The following MTMR14 variants were observed in gnomAD, a reference collection of about 807,000 sequenced individuals.
MTMR14 encodes the protein myotubularin related protein 14.
MTMR14 carries 48 observed loss-of-function variants against 86.3 expected under a neutral mutation model. The observed-to-expected ratio is 0.56, with a 90% CI of 0.44 to 0.71. The LOEUF (loss-of-function observed/expected upper bound fraction) is 0.71, where lower values mean the gene tolerates loss of function less well. MTMR14 is among the 30% of genes least tolerant of loss of function. The probability of loss-of-function intolerance (pLI) is 0.00; values close to 1 mark genes in which losing one functional copy is unlikely to be tolerated. For missense variants in MTMR14, 780 were observed against 834.6 expected, an observed-to-expected ratio of 0.93 and a Z score of 0.81; for synonymous variants, 366 against 326.1, an observed-to-expected ratio of 1.12 and a Z score of -1.32.
At chr3:9,654,424 T>C (rs1192175648) in intron 2 of MTMR14, among the ~76,000 whole-genome samples, 1 of 152,252 alleles carries the variant, frequency 6.6e-6, no homozygotes, top group Non-Finnish European at 1.5e-5. Flanking sequence ...TACCAAGACC[T>C]GAGTACCTTA....
In MTMR14 at chr3:9,684,654, G is replaced by A. The variant is rs746782440; in HGVS notation, c.1034G>A (p.Arg345His). ...ACCCCCCTCTTCATCTCCCTCCTGC[G>A]CCTTTCCTTGTGGGCTGTGAGTATG... ...DRTPLFISLL[R>H]LSLWADGLIH... The change falls in exon 11 of 19, where the codon CGC becomes CAC. Residue 345 changes from arginine to histidine, a missense_variant. Arg to His is a conservative substitution (Grantham distance 29). Coordinates refer to ENST00000296003, the MANE Select transcript of MTMR14 (RefSeq NM_001077525.3). 9 of 1,614,000 alleles carry A rather than the reference G, an allele frequency of 5.6e-6. No individual in the cohort carries two copies. The highest frequency in any genetic ancestry group is 1.6e-4 in the Middle Eastern group (1 of 6,084).
intron 1 of MTMR14, chr3:9,650,441 G>A (rs1444676200): frequency 4.4e-6 from 2 of 452,508 alleles, no homozygotes; most frequent in Non-Finnish European, 8.9e-6. Flanking sequence ...ATTCCCCCAC[G>A]TGGTTTTGGC....
At chr3:9,688,038 G>A (rs1575060034) in intron 14 of MTMR14, 147 bp downstream of exon 14, 5 of 745,922 alleles carry the variant, frequency 6.7e-6, no homozygotes, top group African/African-American at 1.7e-5. Flanking sequence ...TCTGAGGCCA[G>A]GGTAGGGGTC....
chr3:9,650,622 GCCAAGTAATTTTT>G (rs928167024), intron 1 of MTMR14: 6 of 259,284 alleles, frequency 2.3e-5, no homozygotes, highest in African/African-American at 1.3e-4. Context: ...TCTCCAAATG[GCCAAGTAATTTTT>G]CCAAGTATAG....
intron 9 of MTMR14, among the ~76,000 whole-genome samples, chr3:9,680,580 T>A (rs748070011): frequency 3.0e-4 from 46 of 152,224 alleles, no homozygotes; most frequent in Non-Finnish European, 5.3e-4. Flanking sequence ...GCACGGTGGC[T>A]CATGCCTGTA....
intron 17 of MTMR14, among the ~76,000 whole-genome samples, 182 bp from the exon 18 acceptor site, chr3:9,697,529 T>C (rs941283708): frequency 6.6e-6 from 1 of 152,208 alleles, no homozygotes; most frequent in African/African-American, 2.4e-5. Context: ...TGAGCTTACC[T>C]GGTGATCTAT....
At chr3:9,693,722 T>G (rs1353529109) in intron 17 of MTMR14, among the ~76,000 whole-genome samples, 1 of 152,190 alleles carries the variant, frequency 6.6e-6, no homozygotes, top group Non-Finnish European at 1.5e-5. Flanking sequence ...CCTGTGCAGT[T>G]CATGCGTGTG....
intron 13 of MTMR14, among the ~76,000 whole-genome samples, chr3:9,687,330 C>T (rs983250815): frequency 5.9e-5 from 9 of 151,894 alleles, no homozygotes; most frequent in Non-Finnish European, 8.8e-5. Flanking sequence ...CTGAGGCGGG[C>T]GGGTCATGAG....
At position 9,684,616 on chromosome 3, in the gene MTMR14, A is replaced by G. The variant is rs1260813400; in HGVS notation, c.996A>G (p.Ser332=). 1 of 1,613,924 alleles carries G rather than the reference A, an allele frequency of 6.2e-7. No homozygotes were observed. The highest frequency in any genetic ancestry group is 8.5e-7 in the Non-Finnish European group (1 of 1,179,906). The part of the protein sequence containing the change: ...DDSGLLVHCI[S]GWDRTPLFIS... ...GCGGGCTGCTGGTACACTGTATCTC[A>G]GGCTGGGATCGGACCCCCCTCTTCA... Residue 332 remains serine (S), a synonymous_variant, in exon 11 of 19, where the codon TCA becomes TCG. Transcript: ENST00000296003.
At chr3:9,691,784 G>T (rs2076146682) in intron 17 of MTMR14, among the ~76,000 whole-genome samples, 2 of 152,188 alleles carry the variant, frequency 1.3e-5, no homozygotes, top group Non-Finnish European at 2.9e-5. Context: ...AGGCTGAGGA[G>T]AATTGGGGTT....
intron 7 of MTMR14, chr3:9,675,494 ATC>A (rs923044432): frequency 8.9e-6 from 4 of 448,672 alleles, no homozygotes; most frequent in Non-Finnish European, 1.3e-5. Flanking sequence ...GTGTCACACT[ATC>A]TTGGGCCCTT....
intron 16 of MTMR14, 44 bp downstream of exon 16, chr3:9,689,126 CG>C: frequency 6.2e-7 from 1 of 1,601,676 alleles, no homozygotes. Flanking sequence ...AGCTGTGGCC[CG>C]GGGCCATCAG....
intron 15 of MTMR14, 91 bp downstream of exon 15, chr3:9,688,845 GT>G (rs76029141): frequency 0.056 from 74,231 of 1,319,016 alleles, 227 homozygotes; most frequent in Non-Finnish European, 0.063. Flanking sequence ...GAGGTTTTTT[GT>G]TTTTTTTTTT....
intron 5 of MTMR14, among the ~76,000 whole-genome samples, chr3:9,670,448 C>G (rs1304116854): frequency 6.6e-6 from 1 of 152,244 alleles, no homozygotes; most frequent in East Asian, 1.9e-4. Context: ...ATGCTTTCTA[C>G]TTCTGCCTGT....
chr3:9,670,205 C>G (rs1427404633), intron 5 of MTMR14, among the ~76,000 whole-genome samples: 1 of 152,222 alleles, frequency 6.6e-6, no homozygotes, highest in Non-Finnish European at 1.5e-5. Flanking sequence ...ATCAGCTTCC[C>G]AAATCATAGT....
intron 7 of MTMR14, 86 bp downstream of exon 7, chr3:9,672,844 G>A (rs551819947): frequency 1.6e-6 from 2 of 1,288,492 alleles, no homozygotes; most frequent in Admixed American, 1.7e-5. Flanking sequence ...AGTTACACTG[G>A]CGCCCTGGGA....
At chr3:9,653,597 G>A (rs369404323) in intron 1 of MTMR14, 24 bp from the exon 2 acceptor site, 1 of 1,614,010 alleles carries the variant, frequency 6.2e-7, no homozygotes, top group African/African-American at 1.3e-5. Context: ...TTCTCTTTGT[G>A]TTCTGGTCTC....
At chr3:9,660,794 A>T (rs1026631003) in intron 2 of MTMR14, among the ~76,000 whole-genome samples, 16 of 152,188 alleles carry the variant, frequency 1.1e-4, no homozygotes, top group African/African-American at 3.9e-4. Flanking sequence ...TGAAAGCTCA[A>T]CACTTTTAAG....
Position 9,669,413 on chromosome 3 carries a change from A to G in MTMR14, c.494-19A>G. ...CTGGGTCACCAGCCTCAGTACTGACAGATAGGTTTCTCTGGCAGGGGGTGC... is the reference window on the plus strand; with the variant it reads ...CTGGGTCACCAGCCTCAGTACTGACGGATAGGTTTCTCTGGCAGGGGGTGC... On this transcript the variant is annotated intron_variant, in intron 4 of 18. Transcript: ENST00000296003. 1 of 1,613,526 alleles carries G rather than the reference A, an allele frequency of 6.2e-7. No individual in the cohort carries two copies.
Sources: gnomAD v4.1 joint callset for allele counts (sites outside exome capture counted in the v4.1 genomes callset) on GRCh38, gnomAD v4.1.1 for gene constraint, MANE v1.5 for transcripts, NCBI Gene and HGNC (gene_info 2026-07-23, HGNC 2026-07-21) for gene names.